CSNK1G1: variants seen among roughly 807,000 people sequenced by gnomAD.
CSNK1G1 encodes casein kinase I isoform gamma-1.
A neutral mutation model predicts 59.6 loss-of-function variants in CSNK1G1; 22 were observed. The observed-to-expected ratio is 0.37, with a 90% CI of 0.26 to 0.53. The LOEUF is 0.53. Among genes scored for constraint, CSNK1G1 ranks in the 20% least tolerant of loss-of-function variants. The pLI is 0.89. For missense variants in CSNK1G1, 384 were observed against 519.5 expected (o/e 0.74, Z 2.54); for synonymous variants, 179 against 177.1 (o/e 1.01, Z -0.08).
At position 64,204,542 on chromosome 15, in the gene CSNK1G1, C is replaced by G; in HGVS notation, c.898G>C (p.Glu300Gln). 6.2e-7 allele frequency: 1 copy of G among 1,613,764 alleles called. No homozygotes were observed. Among genetic ancestry groups the G allele is most frequent in the Non-Finnish European group, 8.5e-7 (1 of 1,179,910 alleles). ...CGTAAATACTCATAATCAGGTTTTT[C>G]AAAGAAGTCCAGTCGCCTGACATAT... ...LRYVRRLDFF[E>Q]KPDYEYLRTL... The change falls in exon 9 of 12, where the codon GAA (glutamate) becomes CAA (glutamine). Residue 300 changes from glutamate to glutamine, a missense_variant. Physicochemically the swap from Glu to Gln is conservative, Grantham distance 29. This residue lies in a region of CSNK1G1 where 325 missense variants were observed against 440.9 expected (regional missense o/e 0.74). Transcript: ENST00000303052.
chr15:64,344,391 C>T (rs1452859782), intron 1 of CSNK1G1, among the ~76,000 whole-genome samples: 3 of 152,130 alleles, frequency 2.0e-5, no homozygotes. Flanking sequence ...TGCTTTATGG[C>T]ATTAAATATT....
At chr15:64,235,363 T>C (rs922329732) in intron 4 of CSNK1G1, among the ~76,000 whole-genome samples, 2 of 152,214 alleles carry the variant, frequency 1.3e-5, no homozygotes, top group African/African-American at 2.4e-5. Flanking sequence ...TTTCACACAA[T>C]AGATAACTGG....
intron 10 of CSNK1G1, among the ~76,000 whole-genome samples, chr15:64,190,605 G>A (rs1275796627): frequency 1.3e-5 from 2 of 152,058 alleles, no homozygotes; most frequent in African/African-American, 4.8e-5. Flanking sequence ...GTAGAGACAG[G>A]GTTTCTCCAG....
intron 1 of CSNK1G1, among the ~76,000 whole-genome samples, chr15:64,302,135 C>T (rs143280551): frequency 6.2e-4 from 94 of 152,112 alleles, no homozygotes; most frequent in African/African-American, 2.1e-3. Context: ...GAATTTCGCT[C>T]GTTGCCTAGG....
At chr15:64,352,293 A>C (rs1168512096) in intron 1 of CSNK1G1, among the ~76,000 whole-genome samples, 1 of 151,940 alleles carries the variant, frequency 6.6e-6, no homozygotes, top group Non-Finnish European at 1.5e-5. Flanking sequence ...GTGACAGAGC[A>C]AGACTCCATC....
chr15:64,247,297 C>T (rs1225794035), intron 4 of CSNK1G1, among the ~76,000 whole-genome samples: 2 of 152,058 alleles, frequency 1.3e-5, no homozygotes, highest in Admixed American at 1.3e-4. Context: ...ATACAATTAA[C>T]ATAACATTGA....
intron 4 of CSNK1G1, among the ~76,000 whole-genome samples, chr15:64,238,518 A>AAAAAAATATATATATAT (rs1555396879): frequency 8.1e-5 from 4 of 49,238 alleles, no homozygotes; most frequent in African/African-American, 4.7e-4. Flanking sequence ...AAAAAAAAAA[A>AAAAAAATATATATATAT]ATATATATAT....
chr15:64,303,533 C>G (rs1895480766), intron 1 of CSNK1G1, among the ~76,000 whole-genome samples: 1 of 151,762 alleles, frequency 6.6e-6, no homozygotes, highest in Admixed American at 6.6e-5. Context: ...GGGTGGATCA[C>G]CTGAGGTCAG....
rs567201879 is a variant in CSNK1G1, at chr15:64,281,402, TC to T, written c.181+18916del. ...GGAAGATCACTTAAGGCCCAGGAGT[TC>T]CAGACCAGTCTGAGCAACATAGTGA... On this transcript the variant is annotated intron_variant, in intron 2 of 11. Coordinates refer to ENST00000303052, the MANE Select transcript of CSNK1G1 (RefSeq NM_022048.5). 7.2e-5 allele frequency among the ~76,000 whole-genome samples: 11 copies of T among 152,122 alleles called. No homozygotes were observed. In the South Asian group the frequency reaches 2.3e-3, roughly 32 times the overall value.
chr15:64,255,237 C>T (rs1432948876), intron 3 of CSNK1G1, among the ~76,000 whole-genome samples: 1 of 152,100 alleles, frequency 6.6e-6, no homozygotes, highest in South Asian at 2.1e-4. Context: ...CCACCACACT[C>T]GGCTAATTTT....
At position 64,251,493 on chromosome 15, in the gene CSNK1G1, G is replaced by A. The variant is rs1323950881; in HGVS notation, c.292+19C>T. 1 of 1,576,316 alleles carries A rather than the reference G, an allele frequency of 6.3e-7. No individual in the cohort carries two copies. The highest frequency in any genetic ancestry group is 8.7e-7 in the Non-Finnish European group (1 of 1,149,536). ...CTAAGATACATACTAAGTAAGTGGAGAGAAAAGACTTGACTTACCTGCACT... is the reference window on the plus strand; with the variant it reads ...CTAAGATACATACTAAGTAAGTGGAAAGAAAAGACTTGACTTACCTGCACT... On this transcript the variant is annotated intron_variant, in intron 4 of 11. Coordinates refer to ENST00000303052, the MANE Select transcript of CSNK1G1 (RefSeq NM_022048.5).
chr15:64,190,678 T>C (rs370179786), intron 10 of CSNK1G1, among the ~76,000 whole-genome samples: 1 of 152,178 alleles, frequency 6.6e-6, no homozygotes, highest in African/African-American at 2.4e-5. Flanking sequence ...CCTCCCAAAG[T>C]GCTGGAATTA....
chr15:64,242,054 T>A (rs1401029632), intron 4 of CSNK1G1, among the ~76,000 whole-genome samples: 6 of 151,834 alleles, frequency 4.0e-5, no homozygotes, highest in Non-Finnish European at 7.4e-5. Context: ...ATACAAAGAA[T>A]CATTAGAGAC....
intron 10 of CSNK1G1, 135 bp downstream of exon 10, chr15:64,202,947 A>C: frequency 1.4e-6 from 1 of 706,680 alleles, no homozygotes; most frequent in Non-Finnish European, 2.5e-6. Flanking sequence ...AAGTCATACC[A>C]CACCTGTAAG....
At chr15:64,267,852 T>G (rs999363822) in intron 2 of CSNK1G1, among the ~76,000 whole-genome samples, 3 of 152,208 alleles carry the variant, frequency 2.0e-5, no homozygotes, top group African/African-American at 7.2e-5. Flanking sequence ...TGGTGGCTCA[T>G]GCCTGTAGTT....
chr15:64,299,399 T>C (rs1421142812), intron 2 of CSNK1G1, among the ~76,000 whole-genome samples: 1 of 151,990 alleles, frequency 6.6e-6, no homozygotes, highest in Non-Finnish European at 1.5e-5. Flanking sequence ...CCATCCTGGC[T>C]AACATGGTGA....
At chr15:64,237,455 G>A (rs2082631522) in intron 4 of CSNK1G1, among the ~76,000 whole-genome samples, 2 of 152,086 alleles carry the variant, frequency 1.3e-5, no homozygotes, top group Non-Finnish European at 2.9e-5. Flanking sequence ...CCCAAATGAA[G>A]ATCAAAAGGT....
At chr15:64,246,327 G>C (rs1891753446) in intron 4 of CSNK1G1, among the ~76,000 whole-genome samples, 1 of 152,024 alleles carries the variant, frequency 6.6e-6, no homozygotes, top group Non-Finnish European at 1.5e-5. Flanking sequence ...AGTTTCAACT[G>C]GGGTCTTGTT....
At chr15:64,191,474 A>G (rs1407505167) in intron 10 of CSNK1G1, among the ~76,000 whole-genome samples, 1 of 152,144 alleles carries the variant, frequency 6.6e-6, no homozygotes. Flanking sequence ...AATTATTTCC[A>G]TTTTTACTGA....
Sources: gnomAD v4.1 joint callset for allele counts (sites outside exome capture counted in the v4.1 genomes callset) on GRCh38, gnomAD v4.1.1 for gene constraint, gnomAD v4.1.1 regional missense constraint, MANE v1.5 for transcripts, NCBI Gene and HGNC (gene_info 2026-07-23, HGNC 2026-07-21) for gene names.